ELOVL6: variants seen among roughly 807,000 people sequenced by gnomAD.
ELOVL6 encodes the protein very long chain fatty acid elongase 6.
In ELOVL6, 8 loss-of-function variants were observed where a neutral mutation model predicts 31.7. That is an observed-to-expected ratio of 0.25 (90% confidence interval 0.15 to 0.45). ELOVL6 has a LOEUF of 0.45. Ranked by LOEUF, ELOVL6 falls within the 20% of genes least tolerant of loss-of-function variation. The pLI is 1.00. For missense variants in ELOVL6, 126 were observed against 326.4 expected (o/e 0.39, Z 4.73); for synonymous variants, 101 against 117.7 (o/e 0.86, Z 0.92).
At chr4:110,178,816 G>T (rs1759192060) in intron 1 of ELOVL6, among the ~76,000 whole-genome samples, 1 of 152,108 alleles carries the variant, frequency 6.6e-6, no homozygotes, top group Admixed American at 6.6e-5. Flanking sequence ...GACAGAGAGA[G>T]ACTCTGTCCT....
At position 110,197,306 on chromosome 4, in the gene ELOVL6, CTG is replaced by C. The variant is rs536225679; in HGVS notation, c.89+939_89+940del. Among the ~76,000 whole-genome samples the C allele has an allele frequency of 1.8e-3, 281 of 152,332 alleles. 1 individual carries two copies. Among genetic ancestry groups the C allele is most frequent in the African/African-American group, 6.5e-3 (272 of 41,582 alleles). ...AGAAGCGAGATGAGCACACCCTCCTCTGTTAAATATTGCAAGGTGACACTGGA... is the reference window on the plus strand; with the variant it reads ...AGAAGCGAGATGAGCACACCCTCCTCTTAAATATTGCAAGGTGACACTGGA... On this transcript the variant is annotated intron_variant, in intron 1 of 3. Coordinates refer to ENST00000302274, the MANE Select transcript of ELOVL6 (RefSeq NM_024090.3).
chr4:110,145,918 T>C (rs892947189), intron 1 of ELOVL6, among the ~76,000 whole-genome samples: 5 of 152,194 alleles, frequency 3.3e-5, no homozygotes, highest in Admixed American at 2.6e-4. Flanking sequence ...AAAATGACCA[T>C]ACTGCCCAAA....
intron 2 of ELOVL6, among the ~76,000 whole-genome samples, chr4:110,091,072 C>T (rs1756414971): frequency 6.6e-6 from 1 of 152,162 alleles, no homozygotes; most frequent in Admixed American, 6.5e-5. Flanking sequence ...ACATAGCCAA[C>T]TTAATAAATA....
chr4:110,084,435 TATATG>T (rs1413602802), intron 2 of ELOVL6, among the ~76,000 whole-genome samples: 9 of 99,210 alleles, frequency 9.1e-5, no homozygotes, highest in South Asian at 2.8e-4. Flanking sequence ...ACATATATCA[TATATG>T]ATATATCGCA....
intron 1 of ELOVL6, among the ~76,000 whole-genome samples, chr4:110,177,761 G>A (rs943339758): frequency 1.7e-4 from 26 of 152,110 alleles, no homozygotes; most frequent in Non-Finnish European, 1.5e-5. Flanking sequence ...TTATTGTTAT[G>A]TGAAATAATT....
chr4:110,151,898 G>T (rs1018833074), intron 1 of ELOVL6, among the ~76,000 whole-genome samples: 31 of 152,276 alleles, frequency 2.0e-4, no homozygotes, highest in Middle Eastern at 3.4e-3. Flanking sequence ...TTAGATAATG[G>T]ATTGTACAGG....
chr4:110,152,468 G>T (rs543486541), intron 1 of ELOVL6, among the ~76,000 whole-genome samples: 2 of 152,288 alleles, frequency 1.3e-5, no homozygotes, highest in South Asian at 2.1e-4. Flanking sequence ...AGAACAAAGG[G>T]TTCTCTCAGT....
chr4:110,143,826 C>T (rs112051541), intron 1 of ELOVL6, among the ~76,000 whole-genome samples: 2,258 of 152,132 alleles, frequency 0.015, 55 homozygotes, highest in African/African-American at 0.052. Context: ...GAGGCTGAGG[C>T]GGGTGGATCA....
chr4:110,068,938 T>G (rs775432415), intron 2 of ELOVL6, among the ~76,000 whole-genome samples: 7 of 151,966 alleles, frequency 4.6e-5, no homozygotes, highest in Admixed American at 1.3e-4. Context: ...AGCTCAGGAG[T>G]TTGAGACTGG....
chr4:110,125,799 C>A (rs1757474213), intron 1 of ELOVL6, among the ~76,000 whole-genome samples: 1 of 151,308 alleles, frequency 6.6e-6, no homozygotes, highest in South Asian at 2.1e-4. Context: ...TGCACTCTAG[C>A]CTGGGCGACA....
At chr4:110,055,606 G>C (rs915110637) in intron 3 of ELOVL6, among the ~76,000 whole-genome samples, 2 of 152,048 alleles carry the variant, frequency 1.3e-5, no homozygotes, top group Admixed American at 1.3e-4. Flanking sequence ...GAAATCCCCA[G>C]GGTGTTCTTG....
intron 2 of ELOVL6, among the ~76,000 whole-genome samples, chr4:110,070,167 G>A (rs1755428730): frequency 1.3e-5 from 2 of 152,158 alleles, no homozygotes; most frequent in East Asian, 3.9e-4. Flanking sequence ...TTCCTGTGGA[G>A]GCTCAGCCAT....
intron 1 of ELOVL6, among the ~76,000 whole-genome samples, chr4:110,184,713 T>C (rs1406845355): frequency 3.3e-5 from 5 of 152,156 alleles, no homozygotes; most frequent in African/African-American, 9.7e-5. Context: ...AGGAATTGGT[T>C]GTAAATTACA....
chr4:110,167,970 A>G (rs1247042370), intron 1 of ELOVL6, among the ~76,000 whole-genome samples: 1 of 152,144 alleles, frequency 6.6e-6, no homozygotes, highest in Non-Finnish European at 1.5e-5. Flanking sequence ...TCTTTCTTGT[A>G]TTTTTGATAT....
At chr4:110,070,590 G>T (rs1418737296) in intron 2 of ELOVL6, among the ~76,000 whole-genome samples, 3 of 152,168 alleles carry the variant, frequency 2.0e-5, no homozygotes, top group Non-Finnish European at 2.9e-5. Context: ...TTTCCTGGGG[G>T]AAAAAATCTC....
At chr4:110,164,144 T>A (rs1266006573) in intron 1 of ELOVL6, among the ~76,000 whole-genome samples, 1 of 152,218 alleles carries the variant, frequency 6.6e-6, no homozygotes, top group Non-Finnish European at 1.5e-5. Context: ...CTAGTTTAAT[T>A]ATTACTACAG....
At chr4:110,099,958 C>A (rs567217555) in intron 2 of ELOVL6, among the ~76,000 whole-genome samples, 2 of 152,216 alleles carry the variant, frequency 1.3e-5, no homozygotes, top group Non-Finnish European at 2.9e-5. Flanking sequence ...CCACCAGGAG[C>A]AATCTCATCT....
intron 1 of ELOVL6, among the ~76,000 whole-genome samples, chr4:110,108,768 A>G (rs2126247926): frequency 6.6e-6 from 1 of 152,336 alleles, no homozygotes. Context: ...GGTCACAGGT[A>G]GTTAATGGGA....
At chr4:110,169,851 G>A (rs1485861932) in intron 1 of ELOVL6, among the ~76,000 whole-genome samples, 2 of 145,948 alleles carry the variant, frequency 1.4e-5, no homozygotes, top group African/African-American at 5.1e-5. Context: ...TGTTGCCCAG[G>A]CTGAGTGCAA....
Sources: gnomAD v4.1 joint callset for allele counts (sites outside exome capture counted in the v4.1 genomes callset) on GRCh38, gnomAD v4.1.1 for gene constraint, MANE v1.5 for transcripts, NCBI Gene and HGNC (gene_info 2026-07-23, HGNC 2026-07-21) for gene names.